Variants in COPG2 observed in about 807,000 individuals in gnomAD.
COPG2 encodes the protein coatomer subunit gamma-2.
In COPG2, 37 loss-of-function variants were observed where a neutral mutation model predicts 46.3. The ratio of observed to expected loss-of-function variants is 0.80; its 90% CI spans 0.61 to 1.05. COPG2 has a LOEUF of 1.05. Among genes scored for constraint, COPG2 ranks in the 50% least tolerant of loss-of-function variants. The pLI, the probability that COPG2 is intolerant of heterozygous loss-of-function variation, is 0.00. For synonymous variants in COPG2, 159 were observed against 129.7 expected (o/e 1.23, Z -1.53); for missense variants, 427 against 387.8 (o/e 1.10, Z -0.85).
At chr7:130,526,397 G>A (rs2116352717) in intron 20 of COPG2, among the ~76,000 whole-genome samples, 1 of 152,246 alleles carries the variant, frequency 6.6e-6, no homozygotes, top group South Asian at 2.1e-4. Context: ...GCCACAGACA[G>A]GCAGGTACCT....
chr7:130,513,341 A>ATATATATATATATGTG (rs1215646008), intron 20 of COPG2, among the ~76,000 whole-genome samples: 71 of 51,486 alleles, frequency 1.4e-3, no homozygotes, highest in Non-Finnish European at 2.8e-3. Flanking sequence ...ATATATATAT[A>ATATATATATATATGTG]TGTGTGTGTG....
chr7:130,617,235 T>C (rs1554453045), intron 5 of COPG2, among the ~76,000 whole-genome samples, 170 bp from the exon 6 acceptor site: 2 of 152,228 alleles, frequency 1.3e-5, no homozygotes, highest in Admixed American at 6.5e-5. Flanking sequence ...CGTAGAAGAC[T>C]GTTCTAATTC....
At chr7:130,647,573 C>T (rs1184068831) in intron 5 of COPG2, among the ~76,000 whole-genome samples, 12 of 151,984 alleles carry the variant, frequency 7.9e-5, no homozygotes, top group Non-Finnish European at 1.8e-4. Context: ...ACTGCCAAAA[C>T]TTTTCTACGG....
chr7:130,569,366 G>A (rs894644942), intron 9 of COPG2, among the ~76,000 whole-genome samples: 210 of 152,034 alleles, frequency 1.4e-3, no homozygotes, highest in African/African-American at 4.6e-3. Flanking sequence ...AAAAGGAATC[G>A]GGAGATATTA....
At position 130,667,634 on chromosome 7, in the gene COPG2, T is replaced by C. The variant is rs920517598; in HGVS notation, c.38-100A>G. On this transcript the variant is annotated intron_variant, in intron 1 of 23. Coordinates refer to ENST00000425248, the MANE Select transcript of COPG2 (RefSeq NM_012133.6). The stretch of plus-strand genomic sequence containing the variant: ...TACTGAATGCTTGGGAAGTGAACAC[T>C]TGGATGGCACAGTGATAATCATGGC... The C allele has an allele frequency of 2.6e-5, 22 of 859,906 alleles. 1 individual carries two copies. Among genetic ancestry groups the C allele is most frequent in the Non-Finnish European group, 4.1e-5 (22 of 531,752 alleles). 53.3% of individuals were successfully genotyped at this position (859,906 alleles called of 1,614,324 possible). A position where few individuals can be genotyped will look rare whatever the true frequency, so the allele number is the denominator to read the frequency against.
chr7:130,578,150 T>C, intron 9 of COPG2, among the ~76,000 whole-genome samples: 1 of 150,440 alleles, frequency 6.6e-6, no homozygotes, highest in Non-Finnish European at 1.5e-5. Flanking sequence ...GCTGGAGATC[T>C]GAGAACGGGC....
At chr7:130,583,500 A>AG (rs1794199102) in intron 9 of COPG2, among the ~76,000 whole-genome samples, 1 of 146,026 alleles carries the variant, frequency 6.8e-6, no homozygotes, top group Non-Finnish European at 1.5e-5. Flanking sequence ...GTATAAAAAA[A>AG]AAAAAAAAAA....
At chr7:130,637,284 G>A (rs1795359669) in intron 5 of COPG2, among the ~76,000 whole-genome samples, 1 of 152,092 alleles carries the variant, frequency 6.6e-6, no homozygotes. Context: ...TGCTAGGTTG[G>A]GGAAGTTCTT....
Position 130,506,747 on chromosome 7 carries a change from C to A in COPG2, c.2545G>T (p.Val849Leu). 1 of 780,630 alleles carries A rather than the reference C, an allele frequency of 1.3e-6. No individual in the cohort carries two copies. Among genetic ancestry groups the A allele is most frequent in the Non-Finnish European group, 2.4e-6 (1 of 417,798 alleles). 48.4% of individuals were successfully genotyped at this position (780,630 alleles called of 1,614,324 possible). ...CTTCTGACAGTCACCTGCATGGTCA[C>A]TCCATCGGCTAAGGCCAGCCTGGAC... is the stretch of plus-strand genomic sequence containing the variant. ...VRSRLALADG[V>L]TMQVTVRSKE... The change falls in exon 24 of 24, where the codon GTG becomes TTG. Residue 849 changes from valine to leucine, a missense_variant. Physicochemically the swap from Val to Leu is conservative, Grantham distance 32 (BLOSUM62 1). Transcript: ENST00000425248.
intron 14 of COPG2, among the ~76,000 whole-genome samples, chr7:130,553,152 G>C (rs1297405621): frequency 6.6e-6 from 1 of 152,212 alleles, no homozygotes; most frequent in Non-Finnish European, 1.5e-5. Flanking sequence ...CCTGCCCAGA[G>C]AAGAAAGTGT....
At chr7:130,575,389 G>C (rs947310884) in intron 9 of COPG2, among the ~76,000 whole-genome samples, 2 of 152,176 alleles carry the variant, frequency 1.3e-5, no homozygotes, top group Non-Finnish European at 2.9e-5. Context: ...AAGGGATTGG[G>C]TCCTATCTTC....
intron 20 of COPG2, among the ~76,000 whole-genome samples, chr7:130,514,639 G>C (rs1799663616): frequency 2.0e-5 from 3 of 152,130 alleles, no homozygotes; most frequent in African/African-American, 7.2e-5. Context: ...GGGCAAGATA[G>C]GTAACAAGGA....
chr7:130,599,454 C>T (rs1794594267), intron 9 of COPG2, among the ~76,000 whole-genome samples: 1 of 152,170 alleles, frequency 6.6e-6, no homozygotes, highest in South Asian at 2.1e-4. Context: ...GGTGGCACTA[C>T]AGTTCAGAGA....
chr7:130,628,026 T>C (rs1795148620), intron 5 of COPG2, among the ~76,000 whole-genome samples: 1 of 152,182 alleles, frequency 6.6e-6, no homozygotes, highest in Non-Finnish European at 1.5e-5. Flanking sequence ...GAGAAGTCCA[T>C]ACATGTCATT....
intron 5 of COPG2, among the ~76,000 whole-genome samples, chr7:130,641,743 C>T (rs565801477): frequency 3.3e-5 from 5 of 152,300 alleles, no homozygotes; most frequent in African/African-American, 1.2e-4. Context: ...ACAGCTGCAC[C>T]ATTCAAATAG....
intron 4 of COPG2, among the ~76,000 whole-genome samples, chr7:130,659,365 A>AAAAAAAAAAAAAAAAC (rs200317804): frequency 1.3e-5 from 2 of 150,318 alleles, no homozygotes; most frequent in Non-Finnish European, 3.0e-5. Context: ...AAAAAAAAAA[A>AAAAAAAAAAAAAAAAC]AAACGAACAA....
chr7:130,575,315 T>C (rs147093550), intron 9 of COPG2, among the ~76,000 whole-genome samples: 3 of 152,298 alleles, frequency 2.0e-5, no homozygotes, highest in Non-Finnish European at 4.4e-5. Context: ...ACGCACCAGA[T>C]AACCTATCAA....
intron 5 of COPG2, among the ~76,000 whole-genome samples, chr7:130,647,024 TG>T (rs1795624373): frequency 7.0e-6 from 1 of 142,894 alleles, no homozygotes; most frequent in African/African-American, 2.6e-5. Flanking sequence ...TATATATATA[TG>T]TGTATATATA....
chr7:130,644,561 T>G lies in COPG2; in HGVS notation c.323+8308A>C, dbSNP rs539097603. Among the ~76,000 whole-genome samples, 114 of 152,368 alleles carry G rather than the reference T, an allele frequency of 7.5e-4. 2 individuals carry two copies. In the South Asian group the frequency reaches 0.023, roughly 31 times the overall value. ...CATTTAAGTAGATGTAAAAGTTCAC[T>G]TTCATGCAGTTGGTATAGTCCTTTG... On this transcript the variant is annotated intron_variant, in intron 5 of 23. Transcript: ENST00000425248.
Sources: allele counts gnomAD v4.1 joint callset (sites outside exome capture counted in the v4.1 genomes callset), GRCh38; gene constraint gnomAD v4.1.1; transcripts MANE v1.5; gene names NCBI Gene and HGNC (gene_info 2026-07-23, HGNC 2026-07-21).